The following SLCO6A1 variants were observed in gnomAD, a reference collection of about 807,000 sequenced individuals.
The protein encoded by SLCO6A1 is cancer/testis antigen 48.
A neutral mutation model predicts 72.7 loss-of-function variants in SLCO6A1; 65 were observed. The observed-to-expected ratio is 0.89, with a 90% CI of 0.73 to 1.10. The LOEUF is 1.10. Ranked by LOEUF, SLCO6A1 falls within the 50% of genes least tolerant of loss-of-function variation. SLCO6A1 has a pLI of 0.00. For missense variants in SLCO6A1, 874 were observed against 872.6 expected (o/e 1.00, Z -0.02); for synonymous variants, 314 against 298.2 (o/e 1.05, Z -0.55).
In SLCO6A1 at chr5:102,438,780, A is replaced by T; in HGVS notation, c.1132-19T>A. 4.0e-6 allele frequency: 6 copies of T among 1,482,236 alleles called. No homozygotes were observed. The highest frequency in any genetic ancestry group is 5.4e-6 in the Non-Finnish European group (6 of 1,112,952). The allele number at this position is 1,482,236 out of a possible 1,614,324, so 91.8% of individuals were successfully genotyped here. On this transcript the variant is annotated intron_variant, in intron 6 of 13. Coordinates refer to ENST00000506729, the MANE Select transcript of SLCO6A1 (RefSeq NM_173488.5). ...TCAGAATCTGAAATAAAAATAAGTT[A>T]TATATCTATTATTTTATTTTGTTAG...
intron 1 of SLCO6A1, among the ~76,000 whole-genome samples, chr5:102,480,852 G>A (rs552232493): frequency 2.0e-5 from 3 of 152,128 alleles, no homozygotes; most frequent in East Asian, 3.9e-4. Context: ...TCCCAAACTC[G>A]TTTGTCTCCC....
intron 12 of SLCO6A1, among the ~76,000 whole-genome samples, chr5:102,386,876 T>C (rs1746447177): frequency 6.6e-6 from 1 of 152,216 alleles, no homozygotes; most frequent in South Asian, 2.1e-4. Context: ...GGTTCTTGCT[T>C]AGAGTTCATT....
chr5:102,390,464 G>A (rs899732816), intron 11 of SLCO6A1, among the ~76,000 whole-genome samples: 1 of 151,996 alleles, frequency 6.6e-6, no homozygotes, highest in African/African-American at 2.4e-5. Flanking sequence ...GTAAATCAGA[G>A]GTTCTAAAAT....
Position 102,498,594 on chromosome 5 carries a change from C to T in SLCO6A1, c.251G>A (p.Ser84Asn). 6.2e-7 allele frequency: 1 copy of T among 1,614,286 alleles called. No homozygotes were observed. Among genetic ancestry groups the T allele is most frequent in the Non-Finnish European group, 8.5e-7 (1 of 1,180,048 alleles). Residue 84 changes from serine to asparagine, a missense_variant, in exon 1 of 14, where the codon AGT becomes AAT. Coordinates refer to ENST00000506729, the MANE Select transcript of SLCO6A1 (RefSeq NM_173488.5). ...GCCCAAACCACAGGGCTGCTCCAAA[C>T]TGTCATCCACTTCTCCCGGCTTCTT... ...VSKKPGEVDD[S>N]LEQPCGLGCL...
At chr5:102,436,288 C>G (rs942191847) in intron 7 of SLCO6A1, among the ~76,000 whole-genome samples, 3 of 152,166 alleles carry the variant, frequency 2.0e-5, no homozygotes, top group African/African-American at 4.8e-5. Flanking sequence ...GACTCTCAAG[C>G]CTTAGACTCA....
In SLCO6A1 at chr5:102,477,846, AT is replaced by A. The variant is rs769787090; in HGVS notation, c.631del (p.Ile211Ter). The part of the protein sequence containing the change: ...KVGIEDICEE[I>X]KVVSGCQSSG... ...GCTCTGGCAACCACTGACAACCTTT[AT>A]TTCTTCGCAAATATCTTTTGAAAAT... On this transcript the variant is annotated frameshift_variant, in exon 3 of 14. Transcript: ENST00000506729. LOFTEE classifies it high-confidence loss of function. 6.2e-7 allele frequency: 1 copy of A among 1,600,360 alleles called. No homozygotes were observed. The highest frequency in any genetic ancestry group is 2.2e-5 in the East Asian group (1 of 44,762).
At chr5:102,383,094 G>GTGTGTGTGTGTGTGT in intron 12 of SLCO6A1, among the ~76,000 whole-genome samples, 15 of 140,818 alleles carry the variant, frequency 1.1e-4, no homozygotes, top group Admixed American at 7.0e-4. Context: ...ATATGTGTGT[G>GTGTGTGTGTGTGTGT]AATATATATA....
intron 12 of SLCO6A1, among the ~76,000 whole-genome samples, chr5:102,378,720 CA>C (rs1297026348): frequency 6.6e-6 from 1 of 152,044 alleles, no homozygotes; most frequent in Non-Finnish European, 1.5e-5. Flanking sequence ...CATTGTTGTA[CA>C]AAATGCCATT....
At chr5:102,468,061 T>G (rs1303315507) in intron 4 of SLCO6A1, among the ~76,000 whole-genome samples, 3 of 152,110 alleles carry the variant, frequency 2.0e-5, no homozygotes, top group Non-Finnish European at 2.9e-5. Context: ...AAAGAAATGC[T>G]TAATTTCCAT....
intron 6 of SLCO6A1, among the ~76,000 whole-genome samples, chr5:102,452,135 C>T (rs1461566462): frequency 6.6e-6 from 1 of 152,174 alleles, no homozygotes; most frequent in Non-Finnish European, 1.5e-5. Flanking sequence ...TTCATTGACA[C>T]TTCCTTATTC....
At chr5:102,376,384 A>G (rs1432913958) in intron 12 of SLCO6A1, among the ~76,000 whole-genome samples, 2 of 152,278 alleles carry the variant, frequency 1.3e-5, no homozygotes, top group Non-Finnish European at 2.9e-5. Flanking sequence ...ACATACACAT[A>G]CATCATATTA....
intron 4 of SLCO6A1, among the ~76,000 whole-genome samples, chr5:102,468,462 T>C (rs945101581): frequency 1.3e-5 from 2 of 152,126 alleles, no homozygotes; most frequent in Non-Finnish European, 2.9e-5. Context: ...TGTTGTCATC[T>C]ATCTCATTTC....
chr5:102,498,440 C>T (rs777972173), intron 1 of SLCO6A1, 47 bp downstream of exon 1: 2 of 1,550,332 alleles, frequency 1.3e-6, no homozygotes, highest in African/African-American at 1.4e-5. Flanking sequence ...TCCGCCAGTG[C>T]GGCCCCAGCT....
chr5:102,402,487 C>A (rs1747453613), intron 9 of SLCO6A1, among the ~76,000 whole-genome samples: 1 of 152,106 alleles, frequency 6.6e-6, no homozygotes, highest in African/African-American at 2.4e-5. Flanking sequence ...TGTCTTAGCT[C>A]ACTTTGTGTT....
At chr5:102,411,634 AG>A (rs1747987806) in intron 9 of SLCO6A1, among the ~76,000 whole-genome samples, 1 of 151,218 alleles carries the variant, frequency 6.6e-6, no homozygotes, top group Admixed American at 6.6e-5. Flanking sequence ...CTCCTATCTA[AG>A]GGATCTGGGG....
intron 6 of SLCO6A1, among the ~76,000 whole-genome samples, chr5:102,439,380 T>C (rs1237642552): frequency 2.0e-5 from 3 of 152,262 alleles, no homozygotes; most frequent in East Asian, 3.9e-4. Flanking sequence ...TAGTAAAATA[T>C]TAACTTTCAA....
intron 1 of SLCO6A1, among the ~76,000 whole-genome samples, chr5:102,495,692 T>G (rs1277239698): frequency 6.6e-6 from 1 of 152,142 alleles, no homozygotes; most frequent in Non-Finnish European, 1.5e-5. Flanking sequence ...TAAAACTCAT[T>G]GAATAACATA....
intron 8 of SLCO6A1, 101 bp from the exon 9 acceptor site, chr5:102,413,244 A>G (rs1748089638): frequency 1.7e-6 from 2 of 1,198,406 alleles, no homozygotes; most frequent in Non-Finnish European, 2.3e-6. Context: ...GCTTATTGAA[A>G]TAATTTCTTT....
At chr5:102,413,464 C>G (rs1446248944) in intron 8 of SLCO6A1, among the ~76,000 whole-genome samples, 1 of 151,756 alleles carries the variant, frequency 6.6e-6, no homozygotes, top group African/African-American at 2.4e-5. Flanking sequence ...TCCCCACTCC[C>G]TAGCATACAC....
Sources: gnomAD v4.1 joint callset for allele counts (sites outside exome capture counted in the v4.1 genomes callset) on GRCh38, gnomAD v4.1.1 for gene constraint, MANE v1.5 for transcripts, NCBI Gene and HGNC (gene_info 2026-07-23, HGNC 2026-07-21) for gene names.